The following NUBPL variants were observed in gnomAD, a reference collection of about 807,000 sequenced individuals.
NUBPL encodes iron-sulfur cluster transfer protein NUBPL.
A neutral mutation model predicts 45.7 loss-of-function variants in NUBPL; 31 were observed. That is an observed-to-expected ratio of 0.68 (90% confidence interval 0.51 to 0.92). The LOEUF is 0.92. NUBPL is among the 40% of genes least tolerant of loss of function. The probability of loss-of-function intolerance (pLI) is 0.00; values close to 1 mark genes in which losing one functional copy is unlikely to be tolerated. For missense variants in NUBPL, 401 were observed against 398.7 expected (o/e 1.01, Z -0.05); for synonymous variants, 144 against 140.9 (o/e 1.02, Z -0.15).
rs78961212 is a variant in NUBPL at position 31,614,716 on chromosome 14, G to T, written c.382+15337G>T. ...TAGTAGACCTTTATGACTGTCTTTT[G>T]TGTAGTTAGTCGGCATGAGAAATAC... On this transcript the variant is annotated intron_variant, in intron 4 of 10. Coordinates refer to ENST00000281081, the MANE Select transcript of NUBPL (RefSeq NM_025152.3). Among the ~76,000 whole-genome samples, 1,305 of 152,246 alleles carry T rather than the reference G, an allele frequency of 8.6e-3. 22 individuals carry two copies. The highest frequency in any genetic ancestry group is 0.03 in the African/African-American group (1,228 of 41,550).
chr14:31,787,735 A>G (rs1223312742), intron 6 of NUBPL, 45 bp from the exon 7 acceptor site: 15 of 1,255,788 alleles, frequency 1.2e-5, no homozygotes, highest in Non-Finnish European at 1.6e-5. Flanking sequence ...TCACTATTCA[A>G]CATTGAATTT....
At chr14:31,592,763 G>A (rs372050579) in intron 3 of NUBPL, among the ~76,000 whole-genome samples, 2 of 151,954 alleles carry the variant, frequency 1.3e-5, no homozygotes, top group African/African-American at 4.8e-5. Context: ...TCACATTGTG[G>A]TCATCTTATA....
At chr14:31,821,397 G>A (rs771268016) in intron 7 of NUBPL, among the ~76,000 whole-genome samples, 24 of 152,252 alleles carry the variant, frequency 1.6e-4, no homozygotes, top group Middle Eastern at 3.4e-3. Context: ...AGACATTTGT[G>A]AAAAGAAGTC....
chr14:31,736,006 G>C (rs965449612), intron 6 of NUBPL, among the ~76,000 whole-genome samples: 2 of 152,132 alleles, frequency 1.3e-5, no homozygotes, highest in Non-Finnish European at 2.9e-5. Context: ...TGTTACAATA[G>C]GTATATATTT....
At chr14:31,736,956 T>C (rs1215704444) in intron 6 of NUBPL, among the ~76,000 whole-genome samples, 1 of 152,228 alleles carries the variant, frequency 6.6e-6, no homozygotes, top group Admixed American at 6.5e-5. Context: ...TATTGTCTAC[T>C]TGGATATCCA....
intron 6 of NUBPL, among the ~76,000 whole-genome samples, chr14:31,717,989 T>C (rs2037726570): frequency 6.6e-6 from 1 of 152,198 alleles, no homozygotes; most frequent in Admixed American, 6.5e-5. Context: ...TTGGTGACTC[T>C]TACCCACTGT....
chr14:31,694,318 A>G (rs1595504560), intron 6 of NUBPL, among the ~76,000 whole-genome samples: 1 of 152,332 alleles, frequency 6.6e-6, no homozygotes, highest in Middle Eastern at 3.4e-3. Flanking sequence ...ATACATAACT[A>G]AAGTCCAGTT....
chr14:31,813,996 C>T (rs528078135), intron 7 of NUBPL, among the ~76,000 whole-genome samples: 118 of 152,284 alleles, frequency 7.7e-4, no homozygotes, highest in Non-Finnish European at 1.3e-3. Flanking sequence ...AATAAGCATA[C>T]GTGTGCATGT....
chr14:31,743,983 T>C (rs2038341908), intron 6 of NUBPL, among the ~76,000 whole-genome samples: 3 of 152,228 alleles, frequency 2.0e-5, no homozygotes, highest in Admixed American at 1.3e-4. Flanking sequence ...TCTCATCTTA[T>C]GCAGTTTAAG....
intron 6 of NUBPL, among the ~76,000 whole-genome samples, chr14:31,746,973 G>A (rs2038411852): frequency 6.6e-6 from 1 of 150,832 alleles, no homozygotes; most frequent in Non-Finnish European, 1.5e-5. Context: ...GAGGGGCTGA[G>A]GCCAGAGGAT....
chr14:31,813,438 TACACACAC>T (rs34598831), intron 7 of NUBPL, among the ~76,000 whole-genome samples: 168 of 148,276 alleles, frequency 1.1e-3, no homozygotes, highest in Middle Eastern at 3.5e-3. Flanking sequence ...TTTTTTGCTA[TACACACAC>T]ACACACACAC....
At chr14:31,846,408 G>A (rs971077320) in intron 8 of NUBPL, 63 bp from the exon 9 acceptor site, 1 of 1,383,872 alleles carries the variant, frequency 7.2e-7, no homozygotes, top group East Asian at 2.5e-5. Flanking sequence ...GTAAAAATTT[G>A]TTGAAGTAAT....
At chr14:31,806,624 A>T (rs113903893) in intron 7 of NUBPL, among the ~76,000 whole-genome samples, 2 of 151,418 alleles carry the variant, frequency 1.3e-5, no homozygotes, top group Non-Finnish European at 3.0e-5. Context: ...TTTTTGAAGG[A>T]TTTTTCTTAT....
chr14:31,854,136 G>C (rs1165368772), intron 10 of NUBPL, among the ~76,000 whole-genome samples: 1 of 152,034 alleles, frequency 6.6e-6, no homozygotes, highest in Admixed American at 6.6e-5. Context: ...GATAAATTGG[G>C]ACTTCAAATA....
rs1434230220 is a variant in NUBPL, at chr14:31,787,788, G to C, written c.522G>C (p.Trp174Cys). The C allele has an allele frequency of 3.7e-6, 6 of 1,607,578 alleles. No individual in the cohort carries two copies. Among genetic ancestry groups the C allele is most frequent in the Non-Finnish European group, 5.1e-6 (6 of 1,174,398 alleles). ...CTATGTCATCTTTTTAGGTAGATTG[G>C]GGTCAACTGGACTACTTAGTTGTAG... Reference protein sequence around the residue: ...AIEKLLRQVDWGQLDYLVVDM... With the variant: ...AIEKLLRQVDCGQLDYLVVDM... Residue 174 changes from tryptophan to cysteine, a missense_variant, in exon 7 of 11, where the codon TGG becomes TGC. Trp to Cys is a radical substitution (Grantham distance 215, BLOSUM62 -2). Transcript: ENST00000281081.
intron 3 of NUBPL, among the ~76,000 whole-genome samples, chr14:31,577,372 C>A (rs902672499): frequency 2.0e-5 from 3 of 152,162 alleles, no homozygotes; most frequent in African/African-American, 7.2e-5. Flanking sequence ...TAGGGTAGTT[C>A]TTATGGCCTA....
rs575126394 is a variant in NUBPL, at chr14:31,596,194, C to T, written c.292-3095C>T. On this transcript the variant is annotated intron_variant, in intron 3 of 10. Transcript: ENST00000281081. ...CTGGGATTACAGGCGTGAGCCACCG[C>T]GCCCGGCCTGGACACTGATTTTATT... is the stretch of plus-strand genomic sequence containing the variant. 4.6e-5 allele frequency among the ~76,000 whole-genome samples: 7 copies of T among 152,166 alleles called. 1 individual carries two copies. The East Asian group carries it at 7.7e-4, about 17-fold the overall frequency.
chr14:31,800,943 A>G (rs1342132238), intron 7 of NUBPL: 1 of 152,226 alleles, frequency 6.6e-6, no homozygotes, highest in Non-Finnish European at 1.5e-5. Flanking sequence ...AAGTTTAATG[A>G]AGCAACTAGT....
rs1178724433 is a variant in NUBPL, at chr14:31,819,931, G to A, written c.608-6698G>A. 2.6e-5 allele frequency among the ~76,000 whole-genome samples: 4 copies of A among 152,112 alleles called. No homozygotes were observed. In the East Asian group the frequency reaches 7.8e-4, roughly 30 times the overall value. On this transcript the variant is annotated intron_variant, in intron 7 of 10. Coordinates refer to ENST00000281081, the MANE Select transcript of NUBPL (RefSeq NM_025152.3). ...TGAGGTGGGCGGATCACGAGGTCAGGAGATCGAGACCATCCTGGCTAACAC... is the reference window on the plus strand; with the variant it reads ...TGAGGTGGGCGGATCACGAGGTCAGAAGATCGAGACCATCCTGGCTAACAC...
Sources: allele counts gnomAD v4.1 joint callset (sites outside exome capture counted in the v4.1 genomes callset), GRCh38; gene constraint gnomAD v4.1.1; transcripts MANE v1.5; gene names NCBI Gene and HGNC (gene_info 2026-07-23, HGNC 2026-07-21).